KLHL21: variants seen among roughly 807,000 people sequenced by gnomAD.
KLHL21 encodes kelch-like protein 21.
Under a neutral mutation model 44.1 loss-of-function variants are expected in KLHL21, and 42 were observed. That is an observed-to-expected ratio of 0.95 (90% confidence interval 0.74 to 1.23). The LOEUF (loss-of-function observed/expected upper bound fraction) is 1.23. KLHL21 is among the 50% of genes most tolerant of loss of function. KLHL21 has a pLI of 0.00. For missense variants in KLHL21, 918 were observed against 889.1 expected (o/e 1.03, Z -0.41); for synonymous variants, 524 against 411.6 (o/e 1.27, Z -3.31).
chr1:6,593,584 T>A lies in KLHL21; in HGVS notation c.1575A>T (p.Glu525Asp). 1 of 1,613,372 alleles carries A rather than the reference T, an allele frequency of 6.2e-7. No homozygotes were observed. Among genetic ancestry groups the A allele is most frequent in the Non-Finnish European group, 8.5e-7 (1 of 1,179,724 alleles). The change falls in exon 4 of 4, where the codon GAA becomes GAT. Residue 525 changes from glutamate to aspartate, a missense_variant. Glu to Asp is a conservative substitution (Grantham distance 45). Transcript: ENST00000377658. Reference sequence around the variant, plus strand: ...CATAGGCCTCTACCACGTCCGAGAGTTCAAATGTATTGTCGTATCCCCCAG... The same window carrying A: ...CATAGGCCTCTACCACGTCCGAGAGATCAAATGTATTGTCGTATCCCCCAG... The part of the protein sequence containing the change: ...YVSGGYDNTF[E>D]LSDVVEAYDP...
chr1:6,602,583 G>T lies in KLHL21; in HGVS notation c.235C>A (p.Leu79Met). The stretch of plus-strand genomic sequence containing the variant: ...AGCATGTCGGGAGGCACTCCGTGCA[G>T]GCGCACCCGCTCGGCGCGGCTCTCG... ...LRESRAERVRLHGVPPDMLQL... is the reference protein window; with the variant it reads ...LRESRAERVRMHGVPPDMLQL... Residue 79 changes from leucine (L) to methionine (M), a missense_variant, in exon 1 of 4, where the codon CTG (leucine) becomes ATG (methionine). Transcript: ENST00000377658. 1 of 1,531,052 alleles carries T rather than the reference G, an allele frequency of 6.5e-7. No homozygotes were observed. The highest frequency in any genetic ancestry group is 1.2e-5 in the South Asian group (1 of 83,456). The allele number at this position is 1,531,052 out of a possible 1,614,324, so 94.8% of individuals were successfully genotyped here.
rs1398221623 is a variant in KLHL21 at position 6,593,467 on chromosome 1, G to C, written c.1692C>G (p.Pro564=). 2.5e-6 allele frequency: 4 copies of C among 1,613,688 alleles called. No individual in the cohort carries two copies. The highest frequency in any genetic ancestry group is 3.3e-5 in the Admixed American group (2 of 60,014). ...GSVSIFRQFM[P]QTFSGGRGFE... ...AGCCACGCCCACCCGAGAAGGTCTG[G>C]GGCATGAACTGGCGGAAGATGCTGA... Residue 564 remains proline, a synonymous_variant, in exon 4 of 4, where the codon CCC becomes CCG. Transcript: ENST00000377658.
At chr1:6,593,701 G>T in intron 3 of KLHL21, 43 bp from the exon 4 acceptor site, 21 of 1,521,760 alleles carry the variant, frequency 1.4e-5, no homozygotes, top group Admixed American at 2.1e-5. Flanking sequence ...AGAGGAGAGG[G>T]TAGGGCAGGG....
At chr1:6,595,428 G>A (rs773702458) in intron 3 of KLHL21, 57 bp downstream of exon 3, 1 of 1,519,892 alleles carries the variant, frequency 6.6e-7, no homozygotes, top group Non-Finnish European at 9.1e-7. Flanking sequence ...GATGACACTT[G>A]GGTTGCAAAA....
chr1:6,595,204 T>C, intron 3 of KLHL21: 1 of 599,396 alleles, frequency 1.7e-6, no homozygotes, highest in Non-Finnish European at 3.0e-6. Flanking sequence ...CCCAGATGAC[T>C]GTATGCCTTG....
intron 3 of KLHL21, 156 bp from the exon 4 acceptor site, chr1:6,593,814 A>T: frequency 7.3e-7 from 1 of 1,372,298 alleles, no homozygotes; most frequent in Non-Finnish European, 9.4e-7. Context: ...CCCCTTTCCA[A>T]CACCCTGCCT....
chr1:6,593,509 G>C lies in KLHL21; in HGVS notation c.1650C>G (p.Thr550=). The C allele has an allele frequency of 6.2e-7, 1 of 1,613,844 alleles. No homozygotes were observed. The highest frequency in any genetic ancestry group is 8.5e-7 in the Non-Finnish European group (1 of 1,180,032). Residue 550 remains threonine (T), a synonymous_variant, in exon 4 of 4, where the codon ACC becomes ACG. Coordinates refer to ENST00000377658, the MANE Select transcript of KLHL21 (RefSeq NM_014851.4). ...AGATGCTGACACTGCCATGCCAGAA[G>C]GTGGGTTCTGGGAGCCGCCCCACCA... The part of the protein sequence containing the change: ...WSVVGRLPEP[T]FWHGSVSIFR...
rs1640892217 is a variant in KLHL21 at position 6,594,110 on chromosome 1, A to T, written c.1501-452T>A. On this transcript the variant is annotated intron_variant, in intron 3 of 3. Transcript: ENST00000377658. ...AATTCGCTATGACTATGTGCAGCTTACTGCGGGGAAAACAGAACGCTGGGT... is the reference window on the plus strand; with the variant it reads ...AATTCGCTATGACTATGTGCAGCTTTCTGCGGGGAAAACAGAACGCTGGGT... The T allele has an allele frequency of 3.0e-6, 3 of 993,932 alleles. No individual in the cohort carries two copies. The South Asian group carries it at 1.4e-4, about 46-fold the overall frequency. The allele number at this position is 993,932 out of a possible 1,614,324, so 61.6% of individuals were successfully genotyped here.
intron 2 of KLHL21, among the ~76,000 whole-genome samples, 200 bp from the exon 3 acceptor site, chr1:6,595,757 C>T (rs188748194): frequency 1.3e-5 from 2 of 152,306 alleles, no homozygotes. Context: ...GCCCACTCAG[C>T]CAGGGCTCCA....
rs927362050 is a variant in KLHL21 at position 6,593,717 on chromosome 1, C to A, written c.1501-59G>T. ...GAGGAGAGGGTAGGGCAGGGCCCCA[C>A]CTGGGGAACCACTGGAGACAAGGCA... On this transcript the variant is annotated intron_variant, in intron 3 of 3. Coordinates refer to ENST00000377658, the MANE Select transcript of KLHL21 (RefSeq NM_014851.4). The A allele has an allele frequency of 9.3e-6, 14 of 1,497,342 alleles. No individual in the cohort carries two copies. The African/African-American group carries it at 2.0e-4, about 21-fold the overall frequency. The allele number at this position is 1,497,342 out of a possible 1,614,324, so 92.8% of individuals were successfully genotyped here.
rs377207520 is a variant in KLHL21, at chr1:6,602,401, C to T, written c.417G>A (p.Leu139=). 14 of 1,595,980 alleles carry T rather than the reference C, an allele frequency of 8.8e-6. No individual in the cohort carries two copies. Among genetic ancestry groups the T allele is most frequent in the Non-Finnish European group, 1.2e-5 (14 of 1,175,152 alleles). ...AGGCCTCAGCGAAGTCCTGCATGTC[C>T]AGGCAGTTGGCCAGGTCGAGCTGCT... The part of the protein sequence containing the change: ...LQQQLDLANC[L]DMQDFAEAFS... Residue 139 remains leucine (L), a synonymous_variant, in exon 1 of 4, where the codon CTG becomes CTA. Coordinates refer to ENST00000377658, the MANE Select transcript of KLHL21 (RefSeq NM_014851.4).
At chr1:6,600,984 C>T (rs1203134530) in intron 1 of KLHL21, among the ~76,000 whole-genome samples, 1 of 152,250 alleles carries the variant, frequency 6.6e-6, no homozygotes, top group East Asian at 1.9e-4. Context: ...CAAGGCTGGG[C>T]ACAGCAGCTG....
At chr1:6,599,592 C>G in intron 1 of KLHL21, 140 bp from the exon 2 acceptor site, 1 of 893,906 alleles carries the variant, frequency 1.1e-6, no homozygotes, top group Non-Finnish European at 1.7e-6. Flanking sequence ...ACCCTCTCCC[C>G]AAAAGCCCAG....
chr1:6,598,883 AAAAAC>A (rs1185401080), intron 2 of KLHL21, among the ~76,000 whole-genome samples, 159 bp downstream of exon 2: 1 of 152,248 alleles, frequency 6.6e-6, no homozygotes, highest in Admixed American at 6.5e-5. Flanking sequence ...ACTCCGTCTC[AAAAAC>A]AAAACAAAAC....
chr1:6,595,856 T>C (rs1640919604), intron 2 of KLHL21, among the ~76,000 whole-genome samples: 1 of 152,142 alleles, frequency 6.6e-6, no homozygotes, highest in Admixed American at 6.6e-5. Flanking sequence ...AGTACCAAGG[T>C]GGCTGTCCCC....
intron 1 of KLHL21, 64 bp downstream of exon 1, chr1:6,601,733 A>G (rs971205483): frequency 2.7e-6 from 4 of 1,467,564 alleles, no homozygotes; most frequent in Non-Finnish European, 3.6e-6. Context: ...CCCCGCGAAT[A>G]GCTGGGCTCC....
chr1:6,602,192 TCAGCGCGGACC>T lies in KLHL21; in HGVS notation c.615_625del (p.Trp205Ter). 6.8e-7 allele frequency: 1 copy of T among 1,477,050 alleles called. No homozygotes were observed. The highest frequency in any genetic ancestry group is 8.9e-7 in the Non-Finnish European group (1 of 1,122,268). 91.5% of individuals were successfully genotyped at this position (1,477,050 alleles called of 1,614,324 possible). A position where few individuals can be genotyped will look rare whatever the true frequency, so the allele number is the denominator to read the frequency against. On this transcript the variant is annotated stop_gained and frameshift_variant, in exon 1 of 4. Transcript: ENST00000377658. LOFTEE classifies it high-confidence loss of function. ...CCAGTGCGCGGCGCGGCGCGGCGGGTCAGCGCGGACCCAGCGCAGCGCCAGCTGGTAGGCGG... is the reference window on the plus strand; with the variant it reads ...CCAGTGCGCGGCGCGGCGCGGCGGGTCAGCGCAGCGCCAGCTGGTAGGCGG...
In KLHL21 at chr1:6,591,954, G is replaced by A. The variant is rs41303865; in HGVS notation, c.*1411C>T. 0.026 allele frequency: 4,017 copies of A among 152,518 alleles called. 67 individuals are homozygous for A. Among genetic ancestry groups the A allele is most frequent in the Middle Eastern group, 0.041 (12 of 294 alleles). 9.4% of individuals were successfully genotyped at this position (152,518 alleles called of 1,614,324 possible). On this transcript the variant is annotated 3_prime_UTR_variant, in exon 4 of 4. Coordinates refer to ENST00000377658, the MANE Select transcript of KLHL21 (RefSeq NM_014851.4). ...AAGATGACCATGACCCAAGCGAGAA[G>A]AGCCGCCATGAACTGTGGTCATACC...
rs569685100 is a variant in KLHL21 at position 6,595,446 on chromosome 1, C to A, written c.1500+39G>T. 5.6e-6 allele frequency: 9 copies of A among 1,603,338 alleles called. No individual in the cohort carries two copies. The South Asian group carries it at 9.9e-5, about 18-fold the overall frequency. On this transcript the variant is annotated intron_variant, in intron 3 of 3. Transcript: ENST00000377658. ...GACACTTGGGTTGCAAAATCAGGAC[C>A]AGCCTGTGCTTCCAATGCTGGCCCG...
Sources: allele counts gnomAD v4.1 joint callset (sites outside exome capture counted in the v4.1 genomes callset), GRCh38; gene constraint gnomAD v4.1.1; transcripts MANE v1.5; gene names NCBI Gene and HGNC (gene_info 2026-07-23, HGNC 2026-07-21).